CEP85L: variants seen among roughly 807,000 people sequenced by gnomAD.
CEP85L encodes the protein centrosomal protein 85L.
Under a neutral mutation model 100.3 loss-of-function variants are expected in CEP85L, and 60 were observed. That is an observed-to-expected ratio of 0.60 (90% confidence interval 0.49 to 0.74). CEP85L has a LOEUF of 0.74. Ranked by LOEUF, CEP85L falls within the 30% of genes least tolerant of loss-of-function variation. The pLI, the probability that CEP85L is intolerant of heterozygous loss-of-function variation, is 0.00. For synonymous variants in CEP85L, 319 were observed against 322.7 expected, an observed-to-expected ratio of 0.99 and a Z score of 0.12; for missense variants, 973 against 936.2, an observed-to-expected ratio of 1.04 and a Z score of -0.51.
chr6:118,565,014 T>C (rs151228225), intron 3 of CEP85L: 2 of 108,574 alleles, frequency 1.8e-5, no homozygotes, highest in East Asian at 4.2e-4. Context: ...AAAAAGTACA[T>C]CTGATTTATA....
chr6:118,577,044 T>C (rs1780281071), intron 2 of CEP85L, among the ~76,000 whole-genome samples: 1 of 152,116 alleles, frequency 6.6e-6, no homozygotes, highest in African/African-American at 2.4e-5. Context: ...CAGTAAGGCA[T>C]GTCAAACCCT....
intron 1 of CEP85L, among the ~76,000 whole-genome samples, chr6:118,670,699 C>A (rs1231661047): frequency 6.6e-6 from 1 of 152,112 alleles, no homozygotes; most frequent in Non-Finnish European, 1.5e-5. Context: ...TTGTTTTAAG[C>A]TTCTAAAATT....
chr6:118,706,697 A>G (rs1271487429), intron 1 of CEP85L, among the ~76,000 whole-genome samples: 1 of 152,096 alleles, frequency 6.6e-6, no homozygotes, highest in East Asian at 1.9e-4. Flanking sequence ...AAACGCCACC[A>G]TGTCATATTT....
intron 3 of CEP85L, among the ~76,000 whole-genome samples, chr6:118,553,802 C>T (rs1583033994): frequency 6.6e-6 from 1 of 152,174 alleles, no homozygotes; most frequent in East Asian, 1.9e-4. Context: ...TTCACAAATA[C>T]TAAAAACCCA....
At position 118,465,254 on chromosome 6, in the gene CEP85L, C is replaced by G; in HGVS notation, c.*151G>C. ...CTGATTAGATAAGCCCCTTCAAAAT[C>G]TCTTCACTTCCCTTCTCCCCTTCAA... On this transcript the variant is annotated 3_prime_UTR_variant, in exon 13 of 13. Coordinates refer to ENST00000368491, the MANE Select transcript of CEP85L (RefSeq NM_001042475.3). 1 of 586,404 alleles carries G rather than the reference C, an allele frequency of 1.7e-6. No homozygotes were observed. Among genetic ancestry groups the G allele is most frequent in the Non-Finnish European group, 2.8e-6 (1 of 352,720 alleles). 36.3% of individuals were successfully genotyped at this position (586,404 alleles called of 1,614,324 possible). A position where few individuals can be genotyped will look rare whatever the true frequency, so the allele number is the denominator to read the frequency against.
At chr6:118,542,917 A>T (rs112022058) in intron 3 of CEP85L, among the ~76,000 whole-genome samples, 1 of 150,080 alleles carries the variant, frequency 6.7e-6, no homozygotes, top group Non-Finnish European at 1.5e-5. Context: ...AAAAAAAAAA[A>T]AAAAAACAGG....
At chr6:118,663,666 A>G (rs576011000) in intron 1 of CEP85L, among the ~76,000 whole-genome samples, 129 of 152,274 alleles carry the variant, frequency 8.5e-4, no homozygotes, top group African/African-American at 3.0e-3. Flanking sequence ...TTGTTTTTGA[A>G]ATGGAAAACT....
chr6:118,584,130 A>T (rs1780728283), intron 2 of CEP85L, among the ~76,000 whole-genome samples: 2 of 152,278 alleles, frequency 1.3e-5, no homozygotes, highest in South Asian at 4.1e-4. Context: ...AAGGTCTTGC[A>T]GTATGTTGAT....
chr6:118,474,150 C>G (rs1773176517), intron 10 of CEP85L, among the ~76,000 whole-genome samples: 1 of 151,994 alleles, frequency 6.6e-6, no homozygotes, highest in South Asian at 2.1e-4. Context: ...GGAAATGGTC[C>G]TAAGAGCATA....
At chr6:118,617,935 C>G (rs1216785498) in intron 2 of CEP85L, among the ~76,000 whole-genome samples, 2 of 152,144 alleles carry the variant, frequency 1.3e-5, no homozygotes, top group Non-Finnish European at 1.5e-5. Flanking sequence ...CACCTGTCAG[C>G]CAGTTAAAGG....
intron 2 of CEP85L, among the ~76,000 whole-genome samples, chr6:118,586,108 T>C (rs1265553307): frequency 6.6e-6 from 1 of 152,152 alleles, no homozygotes; most frequent in Non-Finnish European, 1.5e-5. Flanking sequence ...ATCATCTCCA[T>C]TGGGCTTAGA....
At chr6:118,623,932 T>C (rs1022884612) in intron 2 of CEP85L, among the ~76,000 whole-genome samples, 9 of 152,266 alleles carry the variant, frequency 5.9e-5, no homozygotes, top group African/African-American at 2.2e-4. Flanking sequence ...GGAGGGACCA[T>C]ACTCAGTAAT....
chr6:118,530,306 A>G (rs1370577548), intron 3 of CEP85L, among the ~76,000 whole-genome samples: 1 of 152,140 alleles, frequency 6.6e-6, no homozygotes, highest in African/African-American at 2.4e-5. Flanking sequence ...AATGGTTGAA[A>G]AAAATCAAAA....
chr6:118,532,444 A>T (rs1396302848), intron 3 of CEP85L, among the ~76,000 whole-genome samples: 1 of 152,158 alleles, frequency 6.6e-6, no homozygotes, highest in Non-Finnish European at 1.5e-5. Flanking sequence ...AATCATTTGT[A>T]CACTAAACCC....
intron 2 of CEP85L, among the ~76,000 whole-genome samples, chr6:118,583,907 G>A (rs1185687538): frequency 6.6e-6 from 1 of 152,122 alleles, no homozygotes; most frequent in African/African-American, 2.4e-5. Context: ...AAATACCTGA[G>A]GGAACTAAAT....
intron 4 of CEP85L, among the ~76,000 whole-genome samples, chr6:118,516,516 T>G (rs568019060): frequency 4.6e-5 from 7 of 152,378 alleles, no homozygotes; most frequent in Non-Finnish European, 1.0e-4. Context: ...ATGATGAGCT[T>G]TTTTTCACGT....
At chr6:118,602,888 T>G (rs772596414) in intron 2 of CEP85L, among the ~76,000 whole-genome samples, 35 of 151,918 alleles carry the variant, frequency 2.3e-4, no homozygotes, top group Non-Finnish European at 4.6e-4. Flanking sequence ...TGGCACAATC[T>G]CAGCTCACTG....
Position 118,498,563 on chromosome 6 carries a change from C to T in CEP85L, c.1258-6698G>A, listed in dbSNP as rs561477556. ...TGGCTTGAGCCCAGGAGTTTGAGAC[C>T]ACCCTAGGAAACATAGTGAGACCCA... On this transcript the variant is annotated intron_variant, in intron 5 of 12. Coordinates refer to ENST00000368491, the MANE Select transcript of CEP85L (RefSeq NM_001042475.3). Among the ~76,000 whole-genome samples the T allele has an allele frequency of 9.7e-5, 14 of 143,836 alleles. No homozygotes were observed. In the East Asian group the frequency reaches 2.9e-3, roughly 30 times the overall value. 94.4% of individuals were successfully genotyped at this position (143,836 alleles called of 152,430 possible). A position where few individuals can be genotyped will look rare whatever the true frequency, so the allele number is the denominator to read the frequency against.
chr6:118,664,720 A>G (rs1562348301), intron 1 of CEP85L, among the ~76,000 whole-genome samples: 1 of 152,222 alleles, frequency 6.6e-6, no homozygotes, highest in Admixed American at 6.5e-5. Flanking sequence ...TCATAGCAAC[A>G]TAATTATGAG....
Sources: allele counts gnomAD v4.1 joint callset (sites outside exome capture counted in the v4.1 genomes callset), GRCh38; gene constraint gnomAD v4.1.1; transcripts MANE v1.5; gene names NCBI Gene and HGNC (gene_info 2026-07-23, HGNC 2026-07-21).